ACSS3: variants seen among roughly 807,000 people sequenced by gnomAD.
The protein encoded by ACSS3 is acyl-CoA synthetase short-chain family member 3, mitochondrial.
A neutral mutation model predicts 84.2 loss-of-function variants in ACSS3; 64 were observed. That is an observed-to-expected ratio of 0.76 (90% confidence interval 0.62 to 0.94). The LOEUF (loss-of-function observed/expected upper bound fraction) is 0.94, where lower values mean the gene tolerates loss of function less well. ACSS3 is among the 40% of genes least tolerant of loss of function. The pLI is 0.00. For missense variants in ACSS3, 815 were observed against 867.6 expected (o/e 0.94, Z 0.76); for synonymous variants, 317 against 310.1 (o/e 1.02, Z -0.23).
At chr12:81,236,865 T>C (rs2033644572) in intron 13 of ACSS3, among the ~76,000 whole-genome samples, 1 of 151,408 alleles carries the variant, frequency 6.6e-6, no homozygotes, top group South Asian at 2.1e-4. Flanking sequence ...TTTGACAGTT[T>C]TTTTTATAAG....
At chr12:81,200,868 T>C (rs1593189847) in intron 9 of ACSS3, among the ~76,000 whole-genome samples, 1 of 131,866 alleles carries the variant, frequency 7.6e-6, no homozygotes, top group African/African-American at 3.0e-5. Context: ...CACTCCAGCC[T>C]GGGCAACAGA....
chr12:81,222,949 A>G (rs1324580593), intron 11 of ACSS3, among the ~76,000 whole-genome samples: 1 of 152,056 alleles, frequency 6.6e-6, no homozygotes, highest in Non-Finnish European at 1.5e-5. Flanking sequence ...TTAATTTAGT[A>G]AGAAAGTTAA....
At chr12:81,252,720 A>G (rs2136018525) in intron 13 of ACSS3, among the ~76,000 whole-genome samples, 1 of 152,240 alleles carries the variant, frequency 6.6e-6, no homozygotes, top group Non-Finnish European at 1.5e-5. Context: ...CAGTATGAAT[A>G]TAGTTCTTCA....
chr12:81,247,103 T>C (rs780500292), intron 13 of ACSS3, among the ~76,000 whole-genome samples: 1 of 152,148 alleles, frequency 6.6e-6, no homozygotes, highest in Non-Finnish European at 1.5e-5. Flanking sequence ...TATTATAATA[T>C]TATCTTGTTT....
chr12:81,255,102 G>T lies in ACSS3; in HGVS notation c.*180G>T. 2 of 552,054 alleles carry T rather than the reference G, an allele frequency of 3.6e-6. No homozygotes were observed. Among genetic ancestry groups the T allele is most frequent in the Non-Finnish European group, 6.1e-6 (2 of 328,562 alleles). The allele number at this position is 552,054 out of a possible 1,614,324, so 34.2% of individuals were successfully genotyped here. A position where few individuals can be genotyped will look rare whatever the true frequency, so the allele number is the denominator to read the frequency against. On this transcript the variant is annotated 3_prime_UTR_variant, in exon 16 of 16. Transcript: ENST00000548058. ...TGTGAAAGACCTGTGCCTTTTTTTT[G>T]GTTTGACCCTGTTAGCATTGTTATT...
At chr12:81,241,486 C>T (rs138815345) in intron 13 of ACSS3, among the ~76,000 whole-genome samples, 3,085 of 152,242 alleles carry the variant, frequency 0.02, 98 homozygotes, top group African/African-American at 0.069. Context: ...TCCACATCCT[C>T]TCCAGTACCT....
chr12:81,175,343 G>A (rs1231437567), intron 8 of ACSS3, among the ~76,000 whole-genome samples: 4 of 152,106 alleles, frequency 2.6e-5, no homozygotes, highest in African/African-American at 7.2e-5. Flanking sequence ...GATAAAATGT[G>A]AAAAATTATA....
At chr12:81,158,325 C>G (rs1461396743) in intron 7 of ACSS3, 16 of 153,656 alleles carry the variant, frequency 1.0e-4, no homozygotes, top group Non-Finnish European at 4.4e-5. Context: ...TCTCTAATCC[C>G]TTATCTCCTG....
intron 7 of ACSS3, among the ~76,000 whole-genome samples, chr12:81,155,213 G>T (rs546695433): frequency 8.2e-4 from 125 of 152,238 alleles, no homozygotes; most frequent in African/African-American, 2.9e-3. Context: ...CTGACAGCTT[G>T]TTCTTCTTTT....
At chr12:81,158,184 A>G (rs1448495611) in intron 7 of ACSS3, among the ~76,000 whole-genome samples, 2 of 152,076 alleles carry the variant, frequency 1.3e-5, no homozygotes, top group Non-Finnish European at 2.9e-5. Flanking sequence ...ACACCTGGGG[A>G]AAACTGGTTA....
intron 2 of ACSS3, among the ~76,000 whole-genome samples, chr12:81,117,214 T>C (rs181866286): frequency 6.6e-6 from 1 of 152,314 alleles, no homozygotes; most frequent in African/African-American, 2.4e-5. Flanking sequence ...ATTGAAAACA[T>C]GCTTGTGGAA....
Position 81,078,328 on chromosome 12 carries a change from G to T in ACSS3, c.208G>T (p.Val70Leu), listed in dbSNP as rs149519721. The T allele has an allele frequency of 2.2e-5, 36 of 1,612,560 alleles. No individual in the cohort carries two copies. Among genetic ancestry groups the T allele is most frequent in the Non-Finnish European group, 3.0e-5 (35 of 1,179,980 alleles). The stretch of plus-strand genomic sequence containing the variant: ...GTACAAGACCCACTTCGCAGCCTCG[G>T]TGACCGACCCCGAGAGGTTCTGGGG... Reference protein sequence around the residue: ...SEYKTHFAASVTDPERFWGKA... With the variant: ...SEYKTHFAASLTDPERFWGKA... Residue 70 changes from valine to leucine, a missense_variant, in exon 1 of 16, where the codon GTG becomes TTG. By Grantham distance (32) the Val-to-Leu change is conservative. Transcript: ENST00000548058.
chr12:81,245,827 T>G (rs550947641), intron 13 of ACSS3, among the ~76,000 whole-genome samples: 12 of 152,268 alleles, frequency 7.9e-5, no homozygotes, highest in Non-Finnish European at 1.5e-4. Context: ...AACTTTCTAC[T>G]TGTTAGAATG....
intron 8 of ACSS3, among the ~76,000 whole-genome samples, chr12:81,179,373 T>C (rs536855259): frequency 6.8e-6 from 1 of 146,736 alleles, no homozygotes; most frequent in Admixed American, 6.8e-5. Flanking sequence ...CAAAAGAAAC[T>C]ATCAACAGAG....
At chr12:81,187,087 T>G (rs1257800560) in intron 8 of ACSS3, among the ~76,000 whole-genome samples, 1 of 151,830 alleles carries the variant, frequency 6.6e-6, no homozygotes, top group African/African-American at 2.4e-5. Context: ...CACTACGTTG[T>G]TAAATAGGTC....
At chr12:81,177,683 C>T (rs1053894424) in intron 8 of ACSS3, among the ~76,000 whole-genome samples, 1 of 152,166 alleles carries the variant, frequency 6.6e-6, no homozygotes, top group African/African-American at 2.4e-5. Flanking sequence ...CCAAAGAAGA[C>T]ATTTATGCAG....
At chr12:81,079,017 G>A (rs1052597337) in intron 1 of ACSS3, among the ~76,000 whole-genome samples, 1 of 152,146 alleles carries the variant, frequency 6.6e-6, no homozygotes, top group African/African-American at 2.4e-5. Flanking sequence ...GAAGTGGTGA[G>A]TCAGGGGCTG....
upstream of ACSS3, chr12:81,077,889 C>T (rs1479845749): frequency 4.1e-6 from 2 of 490,846 alleles, no homozygotes; most frequent in African/African-American, 4.0e-5. Flanking sequence ...GCGCAACTAA[C>T]CTGCTGCAAC....
intron 2 of ACSS3, among the ~76,000 whole-genome samples, chr12:81,117,389 C>T (rs531259944): frequency 2.6e-4 from 40 of 152,280 alleles, no homozygotes; most frequent in African/African-American, 9.6e-4. Flanking sequence ...TAGAGAGGGA[C>T]TTCGCCTGCC....
Sources: allele counts gnomAD v4.1 joint callset (sites outside exome capture counted in the v4.1 genomes callset), GRCh38; gene constraint gnomAD v4.1.1; transcripts MANE v1.5; gene names NCBI Gene and HGNC (gene_info 2026-07-23, HGNC 2026-07-21).